The following TSEN2 variants were observed in gnomAD, a reference collection of about 807,000 sequenced individuals.
TSEN2 encodes the protein tRNA splicing endonuclease subunit 2.
Under a neutral mutation model 59.2 loss-of-function variants are expected in TSEN2, and 54 were observed. The ratio of observed to expected loss-of-function variants is 0.91; its 90% CI spans 0.73 to 1.14. TSEN2 has a LOEUF of 1.14. Ranked by LOEUF, TSEN2 falls within the 50% of genes most tolerant of loss-of-function variation. The pLI is 0.00. For synonymous variants in TSEN2, 195 were observed against 198.2 expected, an observed-to-expected ratio of 0.98 and a Z score of 0.14; for missense variants, 636 against 576.2, an observed-to-expected ratio of 1.10 and a Z score of -1.06.
downstream of TSEN2, among the ~76,000 whole-genome samples, chr3:12,538,430 GATTGTGTA>G (rs1260813296): frequency 6.6e-6 from 1 of 152,100 alleles, no homozygotes; most frequent in Non-Finnish European, 1.5e-5. Context: ...GCAAGTATCT[GATTGTGTA>G]ACTAACGCTC....
At chr3:12,512,381 A>G (rs760997263) in intron 6 of TSEN2, among the ~76,000 whole-genome samples, 12 of 152,306 alleles carry the variant, frequency 7.9e-5, no homozygotes, top group Non-Finnish European at 1.2e-4. Context: ...ATTGTGCTTT[A>G]TTTTTGCTTG....
chr3:12,496,459 T>A, intron 3 of TSEN2, 59 bp from the exon 4 acceptor site: 1 of 1,545,282 alleles, frequency 6.5e-7, no homozygotes, highest in South Asian at 1.1e-5. Flanking sequence ...CCTAGATTTT[T>A]AGTGTTTGTT....
At chr3:12,486,718 C>G (rs1312008427) in intron 1 of TSEN2, among the ~76,000 whole-genome samples, 1 of 152,190 alleles carries the variant, frequency 6.6e-6, no homozygotes, top group African/African-American at 2.4e-5. Context: ...AGTCGCCCCC[C>G]CATTTCCCAC....
intron 10 of TSEN2, chr3:12,538,849 A>C (rs2057742400): frequency 5.4e-6 from 1 of 186,398 alleles, no homozygotes; most frequent in Non-Finnish European, 1.1e-5. Flanking sequence ...TCAGAGAAAG[A>C]AGATAGCCCT....
intron 8 of TSEN2, among the ~76,000 whole-genome samples, chr3:12,521,974 A>G (rs980869303): frequency 2.6e-5 from 4 of 152,222 alleles, no homozygotes; most frequent in Non-Finnish European, 4.4e-5. Flanking sequence ...GCGCTACTGC[A>G]CTCCAGCCTA....
chr3:12,517,188 C>T (rs1458016215), intron 7 of TSEN2, among the ~76,000 whole-genome samples: 1 of 151,766 alleles, frequency 6.6e-6, no homozygotes, highest in Admixed American at 6.6e-5. Flanking sequence ...AACCCTGTCT[C>T]TACTAAAAAA....
At chr3:12,495,906 G>A (rs187146629) in intron 3 of TSEN2, among the ~76,000 whole-genome samples, 1 of 152,276 alleles carries the variant, frequency 6.6e-6, no homozygotes, top group East Asian at 1.9e-4. Flanking sequence ...TGGGGTACAG[G>A]CAAGTTAACT....
chr3:12,536,453 G>A (rs748755016), downstream of TSEN2, among the ~76,000 whole-genome samples: 3 of 152,126 alleles, frequency 2.0e-5, no homozygotes, highest in East Asian at 3.8e-4. Context: ...TGTGTGCTCC[G>A]GGGAGTGCTG....
At chr3:12,532,369 G>A (rs955458286) in intron 11 of TSEN2, among the ~76,000 whole-genome samples, 2 of 152,174 alleles carry the variant, frequency 1.3e-5, no homozygotes, top group Non-Finnish European at 2.9e-5. Context: ...TAGCTCTAAT[G>A]TAAAATGCTA....
At chr3:12,490,808 A>G (rs2124934769) in intron 2 of TSEN2, among the ~76,000 whole-genome samples, 1 of 152,236 alleles carries the variant, frequency 6.6e-6, no homozygotes, top group Non-Finnish European at 1.5e-5. Context: ...GTCTCCATAA[A>G]TGTGCCTTCT....
intron 8 of TSEN2, among the ~76,000 whole-genome samples, chr3:12,524,608 T>C (rs1297509212): frequency 6.6e-6 from 1 of 152,142 alleles, no homozygotes; most frequent in Non-Finnish European, 1.5e-5. Flanking sequence ...ATTCTAAACT[T>C]AGTTACATCT....
In TSEN2 at chr3:12,505,235, T is replaced by A. The variant is rs1461097143; in HGVS notation, c.909+4T>A. 1 of 1,586,934 alleles carries A rather than the reference T, an allele frequency of 6.3e-7. No homozygotes were observed. Among genetic ancestry groups the A allele is most frequent in the Non-Finnish European group, 8.7e-7 (1 of 1,155,238 alleles). On this transcript the variant is annotated splice_donor_region_variant and intron_variant, in intron 6 of 11. Transcript: ENST00000284995. ...TTTGCAACTCAGCCTAGAAGAGGTATGTTTTCAACATATTATTATTTCAGC... is the reference window on the plus strand; with the variant it reads ...TTTGCAACTCAGCCTAGAAGAGGTAAGTTTTCAACATATTATTATTTCAGC...
chr3:12,504,624 A>G (rs2054620652), intron 5 of TSEN2, among the ~76,000 whole-genome samples: 1 of 152,232 alleles, frequency 6.6e-6, no homozygotes, highest in South Asian at 2.1e-4. Flanking sequence ...ATTCACCAAC[A>G]AAATGATTAC....
intron 10 of TSEN2, 140 bp downstream of exon 10, chr3:12,530,013 G>T: frequency 2.0e-6 from 3 of 1,481,490 alleles, no homozygotes. Context: ...GAAGATTTGG[G>T]GTCATTCGTA....
chr3:12,493,924 C>G (rs1312657320), intron 3 of TSEN2, among the ~76,000 whole-genome samples: 1 of 152,082 alleles, frequency 6.6e-6, no homozygotes, highest in East Asian at 1.9e-4. Flanking sequence ...GCAGATTTCC[C>G]TGGTGTTTTC....
intron 8 of TSEN2, among the ~76,000 whole-genome samples, chr3:12,527,456 C>CTTT (rs757613935): frequency 0.014 from 1,783 of 132,070 alleles, 28 homozygotes; most frequent in Admixed American, 0.033. Flanking sequence ...TTTTTTTTTT[C>CTTT]TTTTTTTTTT....
intron 3 of TSEN2, among the ~76,000 whole-genome samples, chr3:12,494,343 C>T (rs1196383578): frequency 2.0e-5 from 3 of 152,144 alleles, no homozygotes; most frequent in Admixed American, 2.0e-4. Flanking sequence ...AAAGTACATG[C>T]TGTGCTGTGG....
At chr3:12,497,355 T>G (rs1356418208) in intron 4 of TSEN2, among the ~76,000 whole-genome samples, 1 of 152,234 alleles carries the variant, frequency 6.6e-6, no homozygotes, top group East Asian at 1.9e-4. Flanking sequence ...TTTGTTCATC[T>G]TGCTTCTGGC....
Position 12,508,950 on chromosome 3 carries a change from T to C in TSEN2, c.909+3719T>C, listed in dbSNP as rs367952493. On this transcript the variant is annotated intron_variant, in intron 6 of 11. Coordinates refer to ENST00000284995, the MANE Select transcript of TSEN2 (RefSeq NM_025265.4). ...ATCATAGCTCACTGAAGCCTCATACTCCTGAGCTCAAGGTATCCCACCACC... is the reference window on the plus strand; with the variant it reads ...ATCATAGCTCACTGAAGCCTCATACCCCTGAGCTCAAGGTATCCCACCACC... 1.1e-4 allele frequency among the ~76,000 whole-genome samples: 16 copies of C among 152,276 alleles called. 1 individual carries two copies. The highest frequency in any genetic ancestry group is 7.8e-4 in the Admixed American group (12 of 15,298).
Sources: gnomAD v4.1 joint callset for allele counts (sites outside exome capture counted in the v4.1 genomes callset) on GRCh38, gnomAD v4.1.1 for gene constraint, MANE v1.5 for transcripts, NCBI Gene and HGNC (gene_info 2026-07-23, HGNC 2026-07-21) for gene names.